CUX1: variants seen among roughly 807,000 people sequenced by gnomAD.
CUX1 encodes cut like homeobox 1.
A neutral mutation model predicts 158.8 loss-of-function variants in CUX1; 31 were observed. The observed-to-expected ratio is 0.20, with a 90% CI of 0.15 to 0.26. The LOEUF (loss-of-function observed/expected upper bound fraction) is 0.26. Among genes scored for constraint, CUX1 ranks in the 10% least tolerant of loss-of-function variants. CUX1 has a pLI of 1.00. For synonymous variants in CUX1, 879 were observed against 862.1 expected, an observed-to-expected ratio of 1.02 and a Z score of -0.34; for missense variants, 1,589 against 2,014.6, an observed-to-expected ratio of 0.79 and a Z score of 4.04.
chr7:102,089,018 C>T (rs1828251597), intron 4 of CUX1, among the ~76,000 whole-genome samples: 1 of 152,046 alleles, frequency 6.6e-6, no homozygotes, highest in Non-Finnish European at 1.5e-5. Context: ...CGAGGGTTTA[C>T]TAACTTTTTT....
intron 2 of CUX1, among the ~76,000 whole-genome samples, chr7:101,946,419 C>G (rs1298385272): frequency 6.6e-6 from 1 of 152,004 alleles, no homozygotes; most frequent in African/African-American, 2.4e-5. Context: ...TGGTGTGCGT[C>G]TGTAATTCCA....
intron 8 of CUX1, among the ~76,000 whole-genome samples, chr7:102,149,420 C>T (rs1341931054): frequency 2.0e-5 from 3 of 150,240 alleles, no homozygotes; most frequent in Non-Finnish European, 3.0e-5. Context: ...CACCCATGCC[C>T]GGTATATCCC....
intron 2 of CUX1, chr7:101,961,661 C>T (rs1387649602): frequency 6.6e-6 from 1 of 152,454 alleles, no homozygotes; most frequent in African/African-American, 2.4e-5. Flanking sequence ...AGGCAGATCA[C>T]CTGAGGTCAG....
intron 5 of CUX1, among the ~76,000 whole-genome samples, chr7:102,100,059 C>G (rs956426731): frequency 3.9e-5 from 6 of 152,146 alleles, no homozygotes; most frequent in African/African-American, 1.4e-4. Flanking sequence ...GTGGGCAGAT[C>G]ACTTGAGGTC....
chr7:101,998,254 T>C (rs1816220376), intron 2 of CUX1, among the ~76,000 whole-genome samples: 2 of 152,016 alleles, frequency 1.3e-5, no homozygotes, highest in African/African-American at 4.8e-5. Flanking sequence ...ATTTACTGGA[T>C]GTGTGCAGCA....
At chr7:102,075,941 T>A (rs1363999609) in intron 4 of CUX1, among the ~76,000 whole-genome samples, 6 of 152,090 alleles carry the variant, frequency 3.9e-5, no homozygotes, top group African/African-American at 1.4e-4. Flanking sequence ...TTACCAGACG[T>A]CCCGCCGGCG....
chr7:102,056,885 G>GT (rs1382534817), intron 3 of CUX1, among the ~76,000 whole-genome samples: 7 of 125,626 alleles, frequency 5.6e-5, no homozygotes, highest in African/African-American at 1.8e-4. Context: ...AAGATTTTTT[G>GT]TTTTTTGTTT....
intron 2 of CUX1, among the ~76,000 whole-genome samples, chr7:101,983,357 C>T (rs1813721195): frequency 2.0e-5 from 3 of 152,168 alleles, no homozygotes; most frequent in African/African-American, 4.8e-5. Context: ...CAGGAAACTT[C>T]TCTAACACCC....
chr7:102,231,687 C>CCAT (rs1177051069), intron 21 of CUX1, among the ~76,000 whole-genome samples: 1 of 151,564 alleles, frequency 6.6e-6, no homozygotes, highest in Non-Finnish European at 1.5e-5. Flanking sequence ...GATTCTTTTA[C>CCAT]CATGTTAGCA....
intron 1 of CUX1, among the ~76,000 whole-genome samples, chr7:101,877,027 A>G (rs1045573626): frequency 1.3e-5 from 2 of 152,072 alleles, no homozygotes; most frequent in African/African-American, 4.8e-5. Context: ...TTAATGTCTG[A>G]TTATTTTCTT....
intron 2 of CUX1, among the ~76,000 whole-genome samples, chr7:101,987,792 G>C: frequency 6.6e-6 from 1 of 152,222 alleles, no homozygotes; most frequent in East Asian, 1.9e-4. Context: ...GAATTGGTCT[G>C]ACTCCATATT....
intron 1 of CUX1, among the ~76,000 whole-genome samples, chr7:101,842,899 GTC>G (rs1039626385): frequency 7.8e-6 from 1 of 127,964 alleles, no homozygotes; most frequent in Non-Finnish European, 1.6e-5. Flanking sequence ...TTGAGACAGA[GTC>G]TCTCTCTGTC....
intron 4 of CUX1, among the ~76,000 whole-genome samples, chr7:102,077,869 A>G (rs1387185168): frequency 6.9e-6 from 1 of 145,228 alleles, no homozygotes; most frequent in African/African-American, 2.7e-5. Flanking sequence ...GCTTCTTGAT[A>G]CTTTTCATTT....
chr7:102,059,770 C>T (rs1824578846), intron 3 of CUX1, among the ~76,000 whole-genome samples: 1 of 152,132 alleles, frequency 6.6e-6, no homozygotes, highest in East Asian at 1.9e-4. Flanking sequence ...CTCTTGAAAA[C>T]ATTCTACAGC....
chr7:102,234,126 C>T lies in CUX1; in HGVS notation c.3508C>T (p.Pro1170Ser). Residue 1170 changes from proline to serine, a missense_variant, in exon 22 of 24, where the codon CCC becomes TCC. Pro to Ser is a moderately conservative substitution (Grantham distance 74, BLOSUM62 -1). Transcript: ENST00000292535. The part of the protein sequence containing the change: ...SVSDLLARPK[P>S]WHKLSLKGRE... Reference sequence around the variant, plus strand: ...CTCTGACCTCCTTGCCCGCCCCAAACCCTGGCATAAGCTCAGTCTGAAAGG... The same window carrying T: ...CTCTGACCTCCTTGCCCGCCCCAAATCCTGGCATAAGCTCAGTCTGAAAGG... The T allele has an allele frequency of 6.2e-7, 1 of 1,602,218 alleles. No individual in the cohort carries two copies.
chr7:101,841,144 C>T lies in CUX1; in HGVS notation c.30+23475C>T, dbSNP rs188934873. Among the ~76,000 whole-genome samples the T allele has an allele frequency of 4.9e-3, 739 of 152,212 alleles. 5 individuals carry two copies. Among genetic ancestry groups the T allele is most frequent in the African/African-American group, 0.016 (671 of 41,546 alleles). On this transcript the variant is annotated intron_variant, in intron 1 of 23. Transcript: ENST00000292535. ...TCCTGACTTTGTGATCCGCCCGCCT[C>T]GGCCTCCCAAAGTGCTGGGATTACA...
chr7:101,926,692 C>A (rs530351284), intron 2 of CUX1, among the ~76,000 whole-genome samples: 2 of 152,282 alleles, frequency 1.3e-5, no homozygotes, highest in East Asian at 3.9e-4. Context: ...GAACGCATAA[C>A]TAGTAAGTGG....
chr7:101,984,416 C>T (rs1813999588), intron 2 of CUX1, among the ~76,000 whole-genome samples: 1 of 150,770 alleles, frequency 6.6e-6, no homozygotes, highest in Non-Finnish European at 1.5e-5. Context: ...CGATATACAG[C>T]CTAGTACACA....
At position 102,250,755 on chromosome 7, in the gene CUX1, C is replaced by A. The variant is rs782550409; in HGVS notation, c.*1713C>A. The A allele has an allele frequency of 2.0e-6, 2 of 985,256 alleles. No homozygotes were observed. The highest frequency in any genetic ancestry group is 2.4e-6 in the Non-Finnish European group (2 of 829,954). 61.0% of individuals were successfully genotyped at this position (985,256 alleles called of 1,614,324 possible). A position where few individuals can be genotyped will look rare whatever the true frequency, so the allele number is the denominator to read the frequency against. On this transcript the variant is annotated 3_prime_UTR_variant, in exon 24 of 24. Coordinates refer to ENST00000292535, the MANE Select transcript of CUX1 (RefSeq NM_181552.4). ...TTCCTCCCTTGTCTATGTGTATATG[C>A]GTGAGAATAGAGGCGGGTGAGAGTG...
Sources: allele counts gnomAD v4.1 joint callset (sites outside exome capture counted in the v4.1 genomes callset), GRCh38; gene constraint gnomAD v4.1.1; transcripts MANE v1.5; gene names NCBI Gene and HGNC (gene_info 2026-07-23, HGNC 2026-07-21).